Variants in MTM1 observed in about 807,000 individuals in gnomAD.
The protein encoded by MTM1 is myotubularin.
In MTM1, 9 loss-of-function variants were observed where a neutral mutation model predicts 52.1. That is an observed-to-expected ratio of 0.17 (90% CI 0.10 to 0.30). MTM1 has a LOEUF of 0.30. MTM1 is among the 10% of genes least tolerant of loss of function. The pLI is 1.00. For missense variants in MTM1, 277 were observed against 470.7 expected, an observed-to-expected ratio of 0.59 and a Z score of 3.81; for synonymous variants, 136 against 163.8, an observed-to-expected ratio of 0.83 and a Z score of 1.29.
chrX:150,656,040 G>A (rs782092948), intron 10 of MTM1, among the ~76,000 whole-genome samples: 1 of 111,531 alleles, frequency 9.0e-6, no homozygotes, highest in East Asian at 2.8e-4. Flanking sequence ...CCAGATAAGA[G>A]TTGATATATT....
intron 1 of MTM1, among the ~76,000 whole-genome samples, chrX:150,574,901 C>T (rs1219334614): frequency 8.9e-6 from 1 of 111,899 alleles, no homozygotes; most frequent in East Asian, 2.8e-4. Context: ...CTCACAGCAT[C>T]GCTTTGAGGT....
At chrX:150,619,267 G>A in intron 6 of MTM1, 128 bp downstream of exon 6, 1 of 546,417 alleles carries the variant, frequency 1.8e-6, no homozygotes, top group Non-Finnish European at 3.2e-6. Context: ...TGTCTGCAGA[G>A]GTGTTTATTA....
Position 150,613,662 on chromosome X carries a change from A to C in MTM1, c.232-927A>C, listed in dbSNP as rs1034224843. ...GCTTTGAAAAACTTAGGAAATGGGGATACTTCACCTATATCCTGGAACGGT... is the reference window on the plus strand; with the variant it reads ...GCTTTGAAAAACTTAGGAAATGGGGCTACTTCACCTATATCCTGGAACGGT... On this transcript the variant is annotated intron_variant, in intron 4 of 14. Transcript: ENST00000370396. Among the ~76,000 whole-genome samples, 17 of 112,052 alleles carry C rather than the reference A, an allele frequency of 1.5e-4. No individual in the cohort carries two copies. In the East Asian group the frequency reaches 4.7e-3, roughly 31 times the overall value.
chrX:150,652,730 G>A (rs1450354999), intron 10 of MTM1, among the ~76,000 whole-genome samples: 26 of 103,291 alleles, frequency 2.5e-4, no homozygotes, highest in Non-Finnish European at 7.9e-5. Flanking sequence ...CCACCAATAT[G>A]TGAATAATTA....
chrX:150,609,969 G>A (rs1057149971), intron 4 of MTM1, among the ~76,000 whole-genome samples: 3 of 111,500 alleles, frequency 2.7e-5, no homozygotes, highest in Non-Finnish European at 3.8e-5. Context: ...GATCCTAGCC[G>A]TGTAGTACTC....
At chrX:150,654,174 A>G (rs1298473408) in intron 10 of MTM1, among the ~76,000 whole-genome samples, 2 of 112,486 alleles carry the variant, frequency 1.8e-5, no homozygotes, top group Middle Eastern at 4.6e-3. Context: ...TTAGATAATT[A>G]TAGCTGTTTC....
intron 4 of MTM1, among the ~76,000 whole-genome samples, chrX:150,609,124 G>A (rs2039228689): frequency 9.0e-6 from 1 of 111,638 alleles, no homozygotes; most frequent in Non-Finnish European, 1.9e-5. Context: ...ACCATGCCTG[G>A]TCAGGATTTG....
rs950958823 is a variant in MTM1, at chrX:150,671,561, C to A, written c.1778C>A (p.Ser593Ter). 8.3e-7 allele frequency: 1 copy of A among 1,211,424 alleles called. No individual in the cohort carries two copies. The highest frequency in any genetic ancestry group is 3.0e-5 in the East Asian group (1 of 33,831). Reference protein sequence around the residue: ...SDPPTSPSSPSQMMPHVQTHF With the variant: ...SDPPTSPSSP ...CCCCCAACTTCACCTTCCAGTCCTT[C>A]GCAAATGATGCCCCATGTGCAAACT... The change falls in exon 15 of 15, where the codon TCG (serine) becomes TAG (stop). Residue 593 changes from serine to a stop codon, truncating the protein, a stop_gained. Transcript: ENST00000370396. LOFTEE classifies it high-confidence loss of function.
chrX:150,611,600 A>G (rs1433455741), intron 4 of MTM1, among the ~76,000 whole-genome samples: 3 of 112,195 alleles, frequency 2.7e-5, no homozygotes, highest in African/African-American at 9.7e-5. Flanking sequence ...TATCAAAACC[A>G]GGAAGTGGAT....
At chrX:150,655,880 A>G (rs961231640) in intron 10 of MTM1, among the ~76,000 whole-genome samples, 4 of 111,960 alleles carry the variant, frequency 3.6e-5, no homozygotes, top group Non-Finnish European at 7.5e-5. Context: ...GGTATATTCC[A>G]TTGTTTATAA....
At chrX:150,665,087 T>A (rs937676792) in intron 14 of MTM1, among the ~76,000 whole-genome samples, 3 of 111,597 alleles carry the variant, frequency 2.7e-5, no homozygotes, top group South Asian at 3.7e-4. Context: ...TGGAGAGGAG[T>A]GCTCATTCTC....
At chrX:150,592,789 C>A in intron 2 of MTM1, 112 bp downstream of exon 2, 1 of 500,655 alleles carries the variant, frequency 2.0e-6, no homozygotes, top group Non-Finnish European at 3.5e-6. Flanking sequence ...TATTCATTCA[C>A]ATATAAATAC....
intron 6 of MTM1, among the ~76,000 whole-genome samples, chrX:150,627,827 G>A (rs1023885330): frequency 5.4e-5 from 6 of 112,017 alleles, no homozygotes; most frequent in South Asian, 3.7e-4. Flanking sequence ...TTTCTGCCAG[G>A]CATCTTGAAG....
At chrX:150,596,632 C>G in intron 3 of MTM1, 62 bp downstream of exon 3, 3 of 963,887 alleles carry the variant, frequency 3.1e-6, no homozygotes, top group Middle Eastern at 5.5e-4. Flanking sequence ...GATCAGGTGG[C>G]TTCAGTCCCG....
At chrX:150,646,058 G>A (rs2039926355) in intron 9 of MTM1, among the ~76,000 whole-genome samples, 187 bp downstream of exon 9, 1 of 112,194 alleles carries the variant, frequency 8.9e-6, no homozygotes, top group East Asian at 2.8e-4. Context: ...AAAATCAAAT[G>A]CAAATAAACT....
Position 150,598,579 on chromosome X carries a change from T to C in MTM1, c.137-13T>C, listed in dbSNP as rs1557412658. 1 of 1,100,264 alleles carries C rather than the reference T, an allele frequency of 9.1e-7. No homozygotes were observed. Among genetic ancestry groups the C allele is most frequent in the Admixed American group, 2.2e-5 (1 of 45,585 alleles). The allele number at this position is 1,100,264 out of a possible 1,213,427, so 90.7% of individuals were successfully genotyped here. The stretch of plus-strand genomic sequence containing the variant: ...ATTTCCATTATTTTAGGGTACTTTT[T>C]TTATCTTAATAGACAAAGAAGTTAT... On this transcript the variant is annotated splice_polypyrimidine_tract_variant and intron_variant, in intron 3 of 14. Coordinates refer to ENST00000370396, the MANE Select transcript of MTM1 (RefSeq NM_000252.3).
intron 1 of MTM1, among the ~76,000 whole-genome samples, chrX:150,574,261 T>C (rs1013503853): frequency 1.6e-4 from 18 of 111,621 alleles, no homozygotes; most frequent in Non-Finnish European, 2.3e-4. Flanking sequence ...CCATTACGCC[T>C]ATGGCATGAA....
At chrX:150,588,528 G>T (rs2038829147) in intron 1 of MTM1, among the ~76,000 whole-genome samples, 1 of 111,703 alleles carries the variant, frequency 9.0e-6, no homozygotes, top group South Asian at 3.7e-4. Flanking sequence ...GTGTGCTTCA[G>T]GTTTGTGTAT....
At chrX:150,643,952 T>C (rs1454871314) in intron 8 of MTM1, among the ~76,000 whole-genome samples, 1 of 110,775 alleles carries the variant, frequency 9.0e-6, no homozygotes, top group Non-Finnish European at 1.9e-5. Context: ...CAAAAAGTAG[T>C]AAGAATCCCC....
Sources: allele counts gnomAD v4.1 joint callset (sites outside exome capture counted in the v4.1 genomes callset), GRCh38; gene constraint gnomAD v4.1.1; transcripts MANE v1.5; gene names NCBI Gene and HGNC (gene_info 2026-07-23, HGNC 2026-07-21).